The following CLSTN1 variants were observed in gnomAD, a reference collection of about 807,000 sequenced individuals.
The protein encoded by CLSTN1 is calsyntenin-1.
CLSTN1 carries 28 observed loss-of-function variants against 108.3 expected under a neutral mutation model. The ratio of observed to expected loss-of-function variants is 0.26; its 90% confidence interval spans 0.19 to 0.35. The LOEUF (loss-of-function observed/expected upper bound fraction) is 0.35. Among genes scored for constraint, CLSTN1 ranks in the 10% least tolerant of loss-of-function variants. CLSTN1 has a pLI of 1.00. For missense variants in CLSTN1, 1,157 were observed against 1,302.6 expected (o/e 0.89, Z 1.72); for synonymous variants, 524 against 534.9 (o/e 0.98, Z 0.28).
At chr1:9,737,926 T>A (rs1224299981) in intron 10 of CLSTN1, among the ~76,000 whole-genome samples, 1 of 152,220 alleles carries the variant, frequency 6.6e-6, no homozygotes, top group Admixed American at 6.5e-5. Context: ...CTGCTCCCGA[T>A]ATAAACACCA....
chr1:9,734,870 A>C lies in CLSTN1; in HGVS notation c.2110+78T>G, dbSNP rs1363750789. 17 of 1,240,082 alleles carry C rather than the reference A, an allele frequency of 1.4e-5. No individual in the cohort carries two copies. In the Middle Eastern group the frequency reaches 8.2e-4, roughly 60 times the overall value. The allele number at this position is 1,240,082 out of a possible 1,614,324, so 76.8% of individuals were successfully genotyped here. On this transcript the variant is annotated intron_variant, in intron 14 of 18. Transcript: ENST00000377298. The surrounding 1 kb of genome is among the most constrained non-coding windows in gnomAD (Gnocchi z 4.8). ...AACCTCCCCAAATCCCACAGAGACA[A>C]AGAGCCCCGCCAAGTACATGGGGAC...
At position 9,734,592 on chromosome 1, in the gene CLSTN1, G is replaced by T. The variant is rs1226778722; in HGVS notation, c.2110+356C>A. 6.6e-6 allele frequency among the ~76,000 whole-genome samples: 1 copy of T among 151,388 alleles called. No individual in the cohort carries two copies. Among genetic ancestry groups the T allele is most frequent in the Non-Finnish European group, 1.5e-5 (1 of 67,890 alleles). On this transcript the variant is annotated intron_variant, in intron 14 of 18. Coordinates refer to ENST00000377298, the MANE Select transcript of CLSTN1 (RefSeq NM_001009566.3). The surrounding 1 kb of genome is among the most constrained non-coding windows in gnomAD (Gnocchi z 4.8). Reference sequence around the variant, plus strand: ...TCCATCTCAAAAAAAAAAAAAAAGGGGGGGAGTTTCATGTGTCCTGAGCAA... The same window carrying T: ...TCCATCTCAAAAAAAAAAAAAAAGGTGGGGAGTTTCATGTGTCCTGAGCAA...
intron 2 of CLSTN1, among the ~76,000 whole-genome samples, chr1:9,759,149 C>G (rs1300985759): frequency 6.6e-6 from 1 of 152,188 alleles, no homozygotes; most frequent in African/African-American, 2.4e-5. Context: ...TAGGGGTCTG[C>G]AAACTGCCGT....
chr1:9,814,775 G>A (rs1042667010), intron 1 of CLSTN1, among the ~76,000 whole-genome samples: 9 of 151,930 alleles, frequency 5.9e-5, no homozygotes, highest in Non-Finnish European at 1.0e-4. Flanking sequence ...CAGGCATGGC[G>A]GTGTGCACAC....
intron 1 of CLSTN1, among the ~76,000 whole-genome samples, chr1:9,779,500 T>C (rs1653140962): frequency 6.6e-6 from 1 of 152,122 alleles, no homozygotes; most frequent in South Asian, 2.1e-4. Context: ...GAGGTTGCAG[T>C]GAGCCAAGAT....
At chr1:9,762,790 G>A (rs1652145375) in intron 2 of CLSTN1, among the ~76,000 whole-genome samples, 1 of 143,788 alleles carries the variant, frequency 7.0e-6, no homozygotes, top group Non-Finnish European at 1.5e-5. Context: ...TTGCCAAGCA[G>A]CGACTATCCA....
rs1345033916 is a variant in CLSTN1, at chr1:9,736,023, G to A, written c.1596C>T (p.Thr532=). Residue 532 remains threonine (T), a synonymous_variant, in exon 12 of 19, where the codon ACC becomes ACT. Coordinates refer to ENST00000377298, the MANE Select transcript of CLSTN1 (RefSeq NM_001009566.3). ...CAGCCAGATTGCCTCGGAAAAACTGGGTCATGTGCAGGTCGCCACCTTTGG... is the reference window on the plus strand; with the variant it reads ...CAGCCAGATTGCCTCGGAAAAACTGAGTCATGTGCAGGTCGCCACCTTTGG... ...VASAGGDLHM[T]QFFRGNLAGL... is the part of the protein sequence containing the mutation. The A allele has an allele frequency of 3.1e-6, 5 of 1,614,040 alleles. No homozygotes were observed. In the African/African-American group the frequency reaches 6.7e-5, roughly 22 times the overall value.
In CLSTN1 at chr1:9,737,571, CAAAGACAATAGAA is replaced by C. The variant is rs746449026; in HGVS notation, c.1520-30_1520-18del. Reference sequence around the variant, plus strand: ...CTGAAAACTCTGTGGAAAAGCAAGACAAAGACAATAGAAAAGGACTGAGAGGTTAGGGTCTTCA... The same window carrying C: ...CTGAAAACTCTGTGGAAAAGCAAGACAAGGACTGAGAGGTTAGGGTCTTCA... On this transcript the variant is annotated intron_variant, in intron 10 of 18. Transcript: ENST00000377298. The C allele has an allele frequency of 6.2e-7, 1 of 1,613,016 alleles. No individual in the cohort carries two copies. The highest frequency in any genetic ancestry group is 1.3e-5 in the African/African-American group (1 of 75,002).
chr1:9,747,928 C>T (rs953815173), intron 7 of CLSTN1, among the ~76,000 whole-genome samples: 1 of 151,736 alleles, frequency 6.6e-6, no homozygotes, highest in Non-Finnish European at 1.5e-5. Flanking sequence ...CCTGTAGTCC[C>T]AGCTACTCGG....
At chr1:9,797,532 T>C (rs1235546496) in intron 1 of CLSTN1, among the ~76,000 whole-genome samples, 4 of 152,124 alleles carry the variant, frequency 2.6e-5, no homozygotes, top group African/African-American at 9.7e-5. Flanking sequence ...TCTCATCTAC[T>C]TGGGAGGCTC....
At chr1:9,765,968 G>A (rs1005629079) in intron 2 of CLSTN1, among the ~76,000 whole-genome samples, 5 of 152,254 alleles carry the variant, frequency 3.3e-5, no homozygotes, top group South Asian at 2.1e-4. Flanking sequence ...GCAAAACTGG[G>A]CAGTGAAATG....
At chr1:9,743,038 T>C (rs559716709) in intron 9 of CLSTN1, among the ~76,000 whole-genome samples, 1 of 152,344 alleles carries the variant, frequency 6.6e-6, no homozygotes, top group East Asian at 1.9e-4. Flanking sequence ...GACACTATTA[T>C]ATTTTAGCAA....
At chr1:9,749,259 T>C (rs1651432465) in intron 7 of CLSTN1, among the ~76,000 whole-genome samples, 1 of 151,838 alleles carries the variant, frequency 6.6e-6, no homozygotes, top group South Asian at 2.1e-4. Flanking sequence ...CGTTTAGGAG[T>C]TGATGTCCAC....
chr1:9,743,185 A>G (rs1651066170), intron 9 of CLSTN1, among the ~76,000 whole-genome samples: 1 of 152,184 alleles, frequency 6.6e-6, no homozygotes, highest in African/African-American at 2.4e-5. Context: ...ATTTTAATAG[A>G]GGGTTCTAAT....
intron 1 of CLSTN1, among the ~76,000 whole-genome samples, chr1:9,802,650 C>T (rs1654331003): frequency 6.6e-6 from 1 of 152,084 alleles, no homozygotes; most frequent in Non-Finnish European, 1.5e-5. Flanking sequence ...CAGACCAGAT[C>T]CCACTGTTCA....
At chr1:9,744,174 G>A (rs776294664) in intron 8 of CLSTN1, among the ~76,000 whole-genome samples, 169 bp from the exon 9 acceptor site, 3 of 152,190 alleles carry the variant, frequency 2.0e-5, no homozygotes, top group Admixed American at 6.5e-5. Flanking sequence ...CCTGAGAGGC[G>A]GAGCCTGTGA....
chr1:9,815,673 C>T (rs1654940390), intron 1 of CLSTN1, among the ~76,000 whole-genome samples: 2 of 152,222 alleles, frequency 1.3e-5, no homozygotes, highest in Non-Finnish European at 2.9e-5. Flanking sequence ...ATAGTGCTCA[C>T]GCCTGTAATC....
intron 1 of CLSTN1, among the ~76,000 whole-genome samples, chr1:9,810,069 G>GGA (rs930079553): frequency 1.1e-4 from 14 of 129,190 alleles, no homozygotes; most frequent in African/African-American, 2.7e-4. Flanking sequence ...AGAAAGAGAG[G>GGA]GAGAGAGAGA....
At chr1:9,789,588 C>A (rs954098569) in intron 1 of CLSTN1, among the ~76,000 whole-genome samples, 1 of 151,604 alleles carries the variant, frequency 6.6e-6, no homozygotes, top group South Asian at 2.2e-4. Context: ...TGCCAGACAT[C>A]ATATAACTTC....
Sources: gnomAD v4.1 joint callset for allele counts (sites outside exome capture counted in the v4.1 genomes callset) on GRCh38, gnomAD v4.1.1 for gene constraint, Gnocchi (gnomAD v3.1) non-coding constraint, MANE v1.5 for transcripts, NCBI Gene and HGNC (gene_info 2026-07-23, HGNC 2026-07-21) for gene names.